CADM2: variants seen among roughly 807,000 people sequenced by gnomAD.
CADM2 encodes the protein immunoglobulin superfamily member 4D.
In CADM2, 12 loss-of-function variants were observed where a neutral mutation model predicts 49.8. The observed-to-expected ratio is 0.24, with a 90% CI of 0.15 to 0.39. The LOEUF is 0.39. CADM2 is among the 10% of genes least tolerant of loss of function. The pLI is 1.00. For synonymous variants in CADM2, 214 were observed against 175.4 expected, an observed-to-expected ratio of 1.22 and a Z score of -1.74; for missense variants, 378 against 492.3, an observed-to-expected ratio of 0.77 and a Z score of 2.20.
chr3:85,519,347 T>A (rs1372549629), intron 1 of CADM2, among the ~76,000 whole-genome samples: 7 of 152,132 alleles, frequency 4.6e-5, no homozygotes, highest in African/African-American at 1.7e-4. Flanking sequence ...CATGCTTAGT[T>A]TTTTTATTTT....
At chr3:85,987,176 G>A (rs1003503004) in intron 8 of CADM2, among the ~76,000 whole-genome samples, 4 of 151,910 alleles carry the variant, frequency 2.6e-5, no homozygotes, top group Admixed American at 1.3e-4. Context: ...AGAAAACCTT[G>A]TATTTATATT....
chr3:84,981,900 T>C (rs2032203806), intron 1 of CADM2, among the ~76,000 whole-genome samples: 3 of 152,200 alleles, frequency 2.0e-5, no homozygotes, highest in Non-Finnish European at 4.4e-5. Flanking sequence ...CTCTTGCTTT[T>C]CTAGTTTCAA....
chr3:85,334,349 A>G (rs1276096627), intron 1 of CADM2, among the ~76,000 whole-genome samples: 2 of 151,608 alleles, frequency 1.3e-5, no homozygotes, highest in East Asian at 3.9e-4. Context: ...AAAATGACAT[A>G]TGGACTTCAG....
At chr3:86,049,199 T>A (rs532447493) in intron 8 of CADM2, among the ~76,000 whole-genome samples, 12 of 152,246 alleles carry the variant, frequency 7.9e-5, no homozygotes, top group African/African-American at 2.9e-4. Context: ...AGAATGTGAC[T>A]GTATTAGTCC....
chr3:85,727,962 T>G (rs555223125), intron 2 of CADM2, among the ~76,000 whole-genome samples: 1 of 151,856 alleles, frequency 6.6e-6, no homozygotes, highest in Non-Finnish European at 1.5e-5. Context: ...TATAAGAAAG[T>G]GTAGAAAAAT....
chr3:85,698,894 C>A (rs1422539066), intron 1 of CADM2, among the ~76,000 whole-genome samples: 1 of 152,166 alleles, frequency 6.6e-6, no homozygotes, highest in Non-Finnish European at 1.5e-5. Context: ...TCAACATTAA[C>A]TCAAAGGTCC....
intron 2 of CADM2, among the ~76,000 whole-genome samples, chr3:85,768,303 G>A (rs1004365152): frequency 3.3e-5 from 5 of 151,734 alleles, no homozygotes; most frequent in African/African-American, 4.8e-5. Flanking sequence ...AAAATTAGCC[G>A]GGTCTGGTGG....
At chr3:85,254,054 AG>A (rs2042832874) in intron 1 of CADM2, among the ~76,000 whole-genome samples, 1 of 152,084 alleles carries the variant, frequency 6.6e-6, no homozygotes, top group African/African-American at 2.4e-5. Context: ...TGCAAGTTCC[AG>A]GTTGTGAACT....
intron 1 of CADM2, among the ~76,000 whole-genome samples, chr3:85,611,028 C>T (rs1351694414): frequency 6.6e-6 from 1 of 151,738 alleles, no homozygotes; most frequent in Non-Finnish European, 1.5e-5. Context: ...CACTACTGAT[C>T]ATGTATATCT....
intron 1 of CADM2, among the ~76,000 whole-genome samples, chr3:85,130,268 A>AT (rs1179824806): frequency 1.3e-5 from 2 of 152,136 alleles, no homozygotes; most frequent in Non-Finnish European, 1.5e-5. Context: ...GTTTTGATGC[A>AT]TTTTTTCTAA....
chr3:85,735,462 G>T lies in CADM2; in HGVS notation c.88+8914G>T, dbSNP rs571444565. On this transcript the variant is annotated intron_variant, in intron 2 of 9. Coordinates refer to ENST00000383699, the MANE Select transcript of CADM2 (RefSeq NM_001167675.2). ...GGTCATAGAGGGAATGGAGACACAG[G>T]TCATGTAAGGATTTTTGGTATCCTT... Among the ~76,000 whole-genome samples, 7 of 152,246 alleles carry T rather than the reference G, an allele frequency of 4.6e-5. No individual in the cohort carries two copies. In the South Asian group the frequency reaches 1.5e-3, roughly 32 times the overall value.
intron 1 of CADM2, among the ~76,000 whole-genome samples, chr3:85,195,906 A>G (rs1476626371): frequency 1.3e-5 from 2 of 152,062 alleles, no homozygotes; most frequent in African/African-American, 4.8e-5. Flanking sequence ...AAACAGAGCT[A>G]TTGCAATATT....
At chr3:86,036,085 G>A (rs941878958) in intron 8 of CADM2, among the ~76,000 whole-genome samples, 13 of 152,034 alleles carry the variant, frequency 8.6e-5, no homozygotes, top group African/African-American at 2.9e-4. Flanking sequence ...CAATACCATT[G>A]CTTTGGATGT....
intron 1 of CADM2, among the ~76,000 whole-genome samples, chr3:85,408,903 T>C (rs2035529383): frequency 1.3e-5 from 2 of 152,188 alleles, no homozygotes; most frequent in South Asian, 4.1e-4. Flanking sequence ...ATGTGTCACT[T>C]TCTCTTATAA....
At chr3:85,792,951 G>T (rs1012945237) in intron 2 of CADM2, among the ~76,000 whole-genome samples, 15 of 152,028 alleles carry the variant, frequency 9.9e-5, no homozygotes, top group Admixed American at 6.6e-4. Context: ...GTGATAGTGT[G>T]CTGGATTCTT....
chr3:85,377,586 G>C (rs1007449436), intron 1 of CADM2, among the ~76,000 whole-genome samples: 1 of 151,922 alleles, frequency 6.6e-6, no homozygotes, highest in African/African-American at 2.4e-5. Context: ...GTTGCCCAAT[G>C]GAAACATGAA....
intron 1 of CADM2, among the ~76,000 whole-genome samples, chr3:85,417,616 G>C (rs562733899): frequency 1.3e-5 from 2 of 152,020 alleles, no homozygotes; most frequent in Non-Finnish European, 2.9e-5. Context: ...TTAAACTAAC[G>C]GTTGCTGGAA....
chr3:85,504,490 C>G (rs934859459), intron 1 of CADM2, among the ~76,000 whole-genome samples: 1 of 152,202 alleles, frequency 6.6e-6, no homozygotes, highest in Non-Finnish European at 1.5e-5. Flanking sequence ...CCACCACATC[C>G]TGCTGATTGG....
At chr3:85,971,700 A>G (rs1413708753) in intron 8 of CADM2, among the ~76,000 whole-genome samples, 1 of 151,706 alleles carries the variant, frequency 6.6e-6, no homozygotes, top group Non-Finnish European at 1.5e-5. Context: ...ATGATATAGG[A>G]TAATCCACTT....
Sources: allele counts gnomAD v4.1 joint callset (sites outside exome capture counted in the v4.1 genomes callset), GRCh38; gene constraint gnomAD v4.1.1; transcripts MANE v1.5; gene names NCBI Gene and HGNC (gene_info 2026-07-23, HGNC 2026-07-21).